Variants in CCDC178 observed in about 807,000 individuals in gnomAD.
The protein encoded by CCDC178 is coiled-coil domain containing 178.
In CCDC178, 126 loss-of-function variants were observed where a neutral mutation model predicts 117.4. That is an observed-to-expected ratio of 1.07 (90% CI 0.93 to 1.24). The LOEUF is 1.24. Among genes scored for constraint, CCDC178 ranks in the 50% most tolerant of loss-of-function variants. The probability of loss-of-function intolerance (pLI) is 0.00; values close to 1 mark genes in which losing one functional copy is unlikely to be tolerated. For synonymous variants in CCDC178, 283 were observed against 313.4 expected (o/e 0.90, Z 1.02); for missense variants, 1,030 against 986.9 (o/e 1.04, Z -0.59).
At chr18:33,438,089 G>C (rs960713183) in intron 2 of CCDC178, among the ~76,000 whole-genome samples, 1 of 152,144 alleles carries the variant, frequency 6.6e-6, no homozygotes. Flanking sequence ...CCACACATCT[G>C]CATCAACCAG....
At chr18:33,165,733 A>C (rs1438832906) in intron 20 of CCDC178, among the ~76,000 whole-genome samples, 1 of 152,216 alleles carries the variant, frequency 6.6e-6, no homozygotes, top group Non-Finnish European at 1.5e-5. Context: ...AAAAAAGGCT[A>C]GTTCAATTCA....
At chr18:33,270,888 C>A (rs1386381404) in intron 12 of CCDC178, among the ~76,000 whole-genome samples, 1 of 151,318 alleles carries the variant, frequency 6.6e-6, no homozygotes, top group African/African-American at 2.4e-5. Flanking sequence ...AAGACAATTG[C>A]ATAAAGCAGT....
intron 21 of CCDC178, among the ~76,000 whole-genome samples, chr18:33,073,539 CT>C (rs1567971327): frequency 2.0e-5 from 3 of 149,160 alleles, no homozygotes; most frequent in African/African-American, 7.6e-5. Context: ...ATCTATCTAT[CT>C]ATCTATCTAT....
At chr18:32,959,310 C>G (rs1016254311) in intron 22 of CCDC178, among the ~76,000 whole-genome samples, 21 of 152,058 alleles carry the variant, frequency 1.4e-4, no homozygotes, top group African/African-American at 4.8e-4. Flanking sequence ...AAAGGTTAAG[C>G]CTCCTATGTT....
intron 22 of CCDC178, 128 bp from the exon 23 acceptor site, chr18:32,938,219 C>T (rs2054162706): frequency 4.5e-6 from 3 of 662,404 alleles, no homozygotes; most frequent in Non-Finnish European, 8.1e-6. Flanking sequence ...CCATTACATT[C>T]TCCTTTATAG....
intron 20 of CCDC178, among the ~76,000 whole-genome samples, chr18:33,115,663 C>A (rs1292068575): frequency 6.6e-6 from 1 of 151,888 alleles, no homozygotes; most frequent in Non-Finnish European, 1.5e-5. Flanking sequence ...ACTTCACCTC[C>A]CCCGCCGCCG....
chr18:33,314,132 C>CGG (rs2062383175), intron 11 of CCDC178, among the ~76,000 whole-genome samples: 1 of 129,352 alleles, frequency 7.7e-6, no homozygotes, highest in Admixed American at 9.0e-5. Context: ...ACCCGGGAGG[C>CGG]GGAGCTTGCA....
intron 15 of CCDC178, among the ~76,000 whole-genome samples, chr18:33,230,008 T>A (rs141290523): frequency 3.9e-5 from 6 of 152,272 alleles, no homozygotes; most frequent in Admixed American, 3.9e-4. Flanking sequence ...TCACAAGAAC[T>A]ATAGTGTGGT....
intron 11 of CCDC178, among the ~76,000 whole-genome samples, chr18:33,302,563 G>A (rs182427615): frequency 3.1e-4 from 47 of 152,176 alleles, no homozygotes; most frequent in African/African-American, 1.1e-3. Context: ...TCATATGCAC[G>A]CCCATGTTCA....
chr18:33,113,219 T>C (rs900945715), intron 20 of CCDC178, among the ~76,000 whole-genome samples: 1 of 152,076 alleles, frequency 6.6e-6, no homozygotes, highest in African/African-American at 2.4e-5. Context: ...ATATTTATTT[T>C]ACACTTTTGT....
At chr18:32,995,905 T>TTATCTA (rs139781630) in intron 21 of CCDC178, among the ~76,000 whole-genome samples, 85,508 of 145,514 alleles carry the variant, frequency 0.59, 25,650 homozygotes, top group Non-Finnish European at 0.64. Context: ...TCCTACAATT[T>TTATCTA]TATCTATATC....
At position 33,224,931 on chromosome 18, in the gene CCDC178, T is replaced by A. The variant is rs549403400; in HGVS notation, c.1662A>T (p.Lys554Asn). ...EVAAGMVLQK[K>N]LYSIYEVQAL... Reference sequence around the variant, plus strand: ...CCTGGACTTCGTAAATGGAATATAGTTTTTTCTGCCAGCAAAGATTTTAAA... The same window carrying A: ...CCTGGACTTCGTAAATGGAATATAGATTTTTCTGCCAGCAAAGATTTTAAA... Residue 554 changes from lysine (K) to asparagine (N), a missense_variant, in exon 17 of 23, where the codon AAA becomes AAT. By Grantham distance (94) the Lys-to-Asn change is moderately conservative. Transcript: ENST00000383096. 2.0e-6 allele frequency: 3 copies of A among 1,473,718 alleles called. No individual in the cohort carries two copies. The highest frequency in any genetic ancestry group is 2.7e-6 in the Non-Finnish European group (3 of 1,110,440). The allele number at this position is 1,473,718 out of a possible 1,614,324, so 91.3% of individuals were successfully genotyped here.
At chr18:33,073,636 C>T (rs563002948) in intron 21 of CCDC178, among the ~76,000 whole-genome samples, 1 of 152,066 alleles carries the variant, frequency 6.6e-6, no homozygotes. Flanking sequence ...TATGCATAAA[C>T]ATTTTGTTAG....
intron 22 of CCDC178, among the ~76,000 whole-genome samples, chr18:32,947,778 C>T (rs1441508570): frequency 6.6e-6 from 1 of 151,982 alleles, no homozygotes; most frequent in Non-Finnish European, 1.5e-5. Context: ...GACATCTTTG[C>T]CAATCCCAAG....
chr18:33,397,035 A>G, intron 4 of CCDC178, 114 bp downstream of exon 4: 2 of 682,484 alleles, frequency 2.9e-6, no homozygotes, highest in Admixed American at 2.8e-5. Context: ...TAGAACATCA[A>G]TTAGGAAGAA....
chr18:33,345,147 G>C (rs1485106116), intron 9 of CCDC178, among the ~76,000 whole-genome samples: 1 of 151,826 alleles, frequency 6.6e-6, no homozygotes, highest in African/African-American at 2.4e-5. Context: ...AAGATTTCTT[G>C]GTTTAAATGA....
intron 21 of CCDC178, among the ~76,000 whole-genome samples, chr18:33,044,448 C>A (rs1227763532): frequency 6.6e-6 from 1 of 151,654 alleles, no homozygotes; most frequent in Non-Finnish European, 1.5e-5. Context: ...CAGAGAAATG[C>A]AAATTAAAAC....
At chr18:33,050,816 T>A (rs909654682) in intron 21 of CCDC178, among the ~76,000 whole-genome samples, 2 of 152,334 alleles carry the variant, frequency 1.3e-5, no homozygotes, top group East Asian at 3.9e-4. Flanking sequence ...AGACCTAGCT[T>A]AAGGCTCACC....
intron 16 of CCDC178, among the ~76,000 whole-genome samples, chr18:33,225,636 C>A (rs997750316): frequency 5.3e-5 from 8 of 152,102 alleles, no homozygotes; most frequent in Admixed American, 5.2e-4. Context: ...AATAACACAT[C>A]GTGGAATATA....
Sources: gnomAD v4.1 joint callset for allele counts (sites outside exome capture counted in the v4.1 genomes callset) on GRCh38, gnomAD v4.1.1 for gene constraint, MANE v1.5 for transcripts, NCBI Gene and HGNC (gene_info 2026-07-23, HGNC 2026-07-21) for gene names.